HEXB: variants seen among roughly 807,000 people sequenced by gnomAD.
HEXB encodes beta-hexosaminidase subunit beta.
In HEXB, 51 loss-of-function variants were observed where a neutral mutation model predicts 71.2. That is an observed-to-expected ratio of 0.72 (90% CI 0.57 to 0.90). The LOEUF (loss-of-function observed/expected upper bound fraction) is 0.90. HEXB is among the 40% of genes least tolerant of loss of function. The pLI is 0.00. For missense variants in HEXB, 617 were observed against 677.0 expected, an observed-to-expected ratio of 0.91 and a Z score of 0.98; for synonymous variants, 266 against 249.3, an observed-to-expected ratio of 1.07 and a Z score of -0.63.
intron 1 of HEXB, among the ~76,000 whole-genome samples, chr5:74,679,229 T>C (rs1431302211): frequency 1.3e-5 from 2 of 152,162 alleles, no homozygotes; most frequent in African/African-American, 4.8e-5. Flanking sequence ...GGAATGACAT[T>C]GAAGATAGGG....
chr5:74,711,542 A>G (rs1322098819), intron 6 of HEXB, among the ~76,000 whole-genome samples: 2 of 152,268 alleles, frequency 1.3e-5, no homozygotes, highest in African/African-American at 4.8e-5. Context: ...CTCATCTGAC[A>G]AAGGAAATAT....
intron 6 of HEXB, among the ~76,000 whole-genome samples, chr5:74,713,080 A>G (rs1749587004): frequency 1.3e-5 from 2 of 152,192 alleles, no homozygotes; most frequent in Admixed American, 1.3e-4. Flanking sequence ...CGGAAGTTTC[A>G]CTTTGGAGAC....
At chr5:74,649,157 A>G (rs1309286316) in intron 1 of HEXB, among the ~76,000 whole-genome samples, 1 of 152,170 alleles carries the variant, frequency 6.6e-6, no homozygotes, top group Non-Finnish European at 1.5e-5. Context: ...GCCAAATGTA[A>G]TCTGGGGTCC....
At chr5:74,679,108 A>G (rs2112113213) in intron 1 of HEXB, among the ~76,000 whole-genome samples, 1 of 152,366 alleles carries the variant, frequency 6.6e-6, no homozygotes, top group South Asian at 2.1e-4. Flanking sequence ...CTACACAGCA[A>G]TAGATAAATA....
chr5:74,678,300 T>TAAAG (rs1482298171), intron 1 of HEXB, among the ~76,000 whole-genome samples: 1 of 40,472 alleles, frequency 2.5e-5, no homozygotes, highest in African/African-American at 6.3e-5. Context: ...CTCCATCTCA[T>TAAAG]AAATAAATAA....
intron 6 of HEXB, among the ~76,000 whole-genome samples, chr5:74,707,404 C>T (rs1354236465): frequency 1.3e-5 from 2 of 152,198 alleles, no homozygotes; most frequent in Non-Finnish European, 2.9e-5. Context: ...TCCAAAGGAT[C>T]GCAGTTCCTC....
intron 6 of HEXB, among the ~76,000 whole-genome samples, chr5:74,708,617 C>CA (rs1227715861): frequency 6.6e-6 from 1 of 151,732 alleles, no homozygotes; most frequent in African/African-American, 2.4e-5. Flanking sequence ...AAATGGAAAA[C>CA]AAAAAAAGTC....
chr5:74,669,256 C>T (rs1451735682), intron 1 of HEXB, among the ~76,000 whole-genome samples: 1 of 152,030 alleles, frequency 6.6e-6, no homozygotes, highest in Non-Finnish European at 1.5e-5. Context: ...TCAAAGAGTA[C>T]CTTTAAATTT....
intron 9 of HEXB, among the ~76,000 whole-genome samples, chr5:74,717,571 CAG>C (rs1238567654): frequency 1.3e-5 from 2 of 151,314 alleles, no homozygotes; most frequent in African/African-American, 2.4e-5. Flanking sequence ...TGTAAAGGGT[CAG>C]AGAGTAAAGA....
chr5:74,697,155 C>T (rs1200549446), intron 5 of HEXB, 49 bp downstream of exon 5: 1 of 902,200 alleles, frequency 1.1e-6, no homozygotes, highest in South Asian at 1.3e-5. Context: ...AAGATGTCTC[C>T]TTTATGTTGT....
At chr5:74,706,444 G>A (rs1041149485) in intron 6 of HEXB, among the ~76,000 whole-genome samples, 8 of 152,220 alleles carry the variant, frequency 5.3e-5, no homozygotes, top group Admixed American at 1.3e-4. Context: ...GACAGTGGGC[G>A]CAGGACAGTG....
rs1445623930 is a variant in HEXB, at chr5:74,718,800, G to A, written c.1246G>A (p.Ala416Thr). 6.2e-7 allele frequency: 1 copy of A among 1,614,034 alleles called. No homozygotes were observed. The highest frequency in any genetic ancestry group is 8.5e-7 in the Non-Finnish European group (1 of 1,179,960). Reference sequence around the variant, plus strand: ...TTGCAATTTGTAACGTTAATAGCTTGCGCCGGGCACAATAGTTGAAGTATG... The same window carrying A: ...TTGCAATTTGTAACGTTAATAGCTTACGCCGGGCACAATAGTTGAAGTATG... ...QEVFDDKAKLAPGTIVEVWKD... is the reference protein window; with the variant it reads ...QEVFDDKAKLTPGTIVEVWKD... Residue 416 changes from alanine to threonine, a missense_variant, in exon 11 of 14, where the codon GCG (alanine) becomes ACG (threonine). Ala to Thr is a moderately conservative substitution (Grantham distance 58). Transcript: ENST00000261416.
At chr5:74,688,333 G>C (rs540862126) in intron 1 of HEXB, among the ~76,000 whole-genome samples, 3 of 118,588 alleles carry the variant, frequency 2.5e-5, no homozygotes, top group South Asian at 5.8e-4. Context: ...CCAACAAAAG[G>C]TACTTTTTTT....
intron 1 of HEXB, among the ~76,000 whole-genome samples, chr5:74,674,554 A>G (rs1487025572): frequency 6.8e-6 from 1 of 146,120 alleles, no homozygotes; most frequent in Non-Finnish European, 1.5e-5. Context: ...CAGTGAGCTG[A>G]GATTGCGCCA....
intron 1 of HEXB, among the ~76,000 whole-genome samples, chr5:74,662,164 C>CA (rs1554032961): frequency 8.1e-5 from 12 of 148,736 alleles, no homozygotes; most frequent in Non-Finnish European, 1.6e-4. Flanking sequence ...TGATTTTAAG[C>CA]TTTTTTTTTT....
chr5:74,717,477 CATATAT>C (rs57555383), intron 9 of HEXB, among the ~76,000 whole-genome samples: 2 of 146,608 alleles, frequency 1.4e-5, no homozygotes, highest in African/African-American at 2.5e-5. Flanking sequence ...CTGAAAAATG[CATATAT>C]ATATATATAT....
intron 1 of HEXB, among the ~76,000 whole-genome samples, chr5:74,654,717 T>C (rs1748184738): frequency 6.6e-6 from 1 of 152,222 alleles, no homozygotes; most frequent in South Asian, 2.1e-4. Context: ...AGGGAACCTC[T>C]GAAAGGTTAA....
At position 74,652,707 on chromosome 5, in the gene HEXB, A is replaced by G. The variant is rs982641627; in HGVS notation, c.-377+12149A>G. On this transcript the variant is annotated intron_variant, in intron 1 of 13. Coordinates refer to the HEXB transcript ENST00000511181. The surrounding 1 kb of genome is among the most constrained non-coding windows in gnomAD (Gnocchi z 5.4). Reference sequence around the variant, plus strand: ...GTTCCAAAGTGTTCTTGAGCAGCCAAAAGTCAGGGATAGAGGCTCATCTGG... The same window carrying G: ...GTTCCAAAGTGTTCTTGAGCAGCCAGAAGTCAGGGATAGAGGCTCATCTGG... Among the ~76,000 whole-genome samples the G allele has an allele frequency of 1.1e-4, 16 of 152,014 alleles. No individual in the cohort carries two copies. The highest frequency in any genetic ancestry group is 3.4e-4 in the African/African-American group (14 of 41,380).
intron 5 of HEXB, among the ~76,000 whole-genome samples, chr5:74,703,331 G>A (rs1239905198): frequency 6.6e-6 from 1 of 152,198 alleles, no homozygotes; most frequent in Non-Finnish European, 1.5e-5. Flanking sequence ...ATCCCTTGCA[G>A]GTTCCCTTTA....
Sources: allele counts gnomAD v4.1 joint callset (sites outside exome capture counted in the v4.1 genomes callset), GRCh38; gene constraint gnomAD v4.1.1; non-coding constraint Gnocchi (gnomAD v3.1); transcripts MANE v1.5; gene names NCBI Gene and HGNC (gene_info 2026-07-23, HGNC 2026-07-21).